Variants in CHD7 observed in about 807,000 individuals in gnomAD.
The protein encoded by CHD7 is chromodomain helicase DNA binding protein 7, also known as ATP-dependent chromatin remodeler CHD7.
CHD7 carries 24 observed loss-of-function variants against 307.3 expected under a neutral mutation model. That is an observed-to-expected ratio of 0.08 (90% CI 0.06 to 0.11). The LOEUF (loss-of-function observed/expected upper bound fraction) is 0.11, where lower values mean the gene tolerates loss of function less well. Ranked by LOEUF, CHD7 falls within the 10% of genes least tolerant of loss-of-function variation. The pLI, the probability that CHD7 is intolerant of heterozygous loss-of-function variation, is 1.00. For synonymous variants in CHD7, 1,363 were observed against 1,349.9 expected, an observed-to-expected ratio of 1.01 and a Z score of -0.21; for missense variants, 3,106 against 3,727.1, an observed-to-expected ratio of 0.83 and a Z score of 4.34.
At chr8:60,761,790 T>C (rs1321965023) in intron 2 of CHD7, among the ~76,000 whole-genome samples, 1 of 152,126 alleles carries the variant, frequency 6.6e-6, no homozygotes, top group Non-Finnish European at 1.5e-5. Flanking sequence ...TTCCTGTTAA[T>C]AAATAGATTA....
intron 3 of CHD7, among the ~76,000 whole-genome samples, chr8:60,792,423 T>C (rs1008488257): frequency 6.6e-5 from 10 of 152,142 alleles, no homozygotes; most frequent in Admixed American, 2.0e-4. Context: ...CCTAGGGTGT[T>C]CTTTGATTTG....
intron 37 of CHD7, chr8:60,864,764 G>T (rs1192278134): frequency 4.0e-6 from 2 of 498,956 alleles, no homozygotes; most frequent in Non-Finnish European, 3.6e-6. Context: ...TCTTGAGTTA[G>T]TTATGGATGC....
intron 1 of CHD7, among the ~76,000 whole-genome samples, chr8:60,703,533 AAAAACCAAATT>A (rs1806872192): frequency 6.6e-6 from 1 of 152,228 alleles, no homozygotes. Context: ...CACCCAACTG[AAAAACCAAATT>A]CGTGATACTT....
intron 2 of CHD7, among the ~76,000 whole-genome samples, chr8:60,753,405 T>A (rs1353963783): frequency 1.3e-5 from 2 of 152,140 alleles, no homozygotes; most frequent in Non-Finnish European, 2.9e-5. Context: ...AGGAAATAAT[T>A]CAGTCTAATT....
chr8:60,834,088 G>A (rs897133530), intron 15 of CHD7, among the ~76,000 whole-genome samples: 1 of 151,938 alleles, frequency 6.6e-6, no homozygotes, highest in Non-Finnish European at 1.5e-5. Flanking sequence ...TATTCTTTTT[G>A]ATAGTATAAA....
At chr8:60,680,652 T>C (rs1227425065) in intron 1 of CHD7, among the ~76,000 whole-genome samples, 1 of 152,138 alleles carries the variant, frequency 6.6e-6, no homozygotes, top group Non-Finnish European at 1.5e-5. Context: ...TCGGACTCTT[T>C]TCCTGGAGGT....
Position 60,838,975 on chromosome 8 carries a change from A to C in CHD7, c.4533+720A>C, listed in dbSNP as rs995805038. Among the ~76,000 whole-genome samples the C allele has an allele frequency of 3.3e-5, 5 of 152,372 alleles. No homozygotes were observed. The East Asian group carries it at 9.6e-4, about 29-fold the overall frequency. ...TTAACCTGTCTTTCGTGTACAATTC[A>C]ATGCCTTTACCATATTACAGACTTG... On this transcript the variant is annotated intron_variant, in intron 19 of 37. Coordinates refer to ENST00000423902, the MANE Select transcript of CHD7 (RefSeq NM_017780.4).
intron 6 of CHD7, among the ~76,000 whole-genome samples, chr8:60,802,730 G>A (rs1256730349): frequency 6.6e-6 from 1 of 152,150 alleles, no homozygotes; most frequent in African/African-American, 2.4e-5. Flanking sequence ...AGGACTCAGT[G>A]AGAGTCCTAT....
At chr8:60,834,350 A>C (rs929970546) in intron 15 of CHD7, among the ~76,000 whole-genome samples, 18 of 152,230 alleles carry the variant, frequency 1.2e-4, no homozygotes, top group African/African-American at 4.3e-4. Flanking sequence ...ATGTCATAAG[A>C]GTAAAACTTA....
At chr8:60,754,459 G>A (rs1388990210) in intron 2 of CHD7, among the ~76,000 whole-genome samples, 1 of 152,160 alleles carries the variant, frequency 6.6e-6, no homozygotes, top group African/African-American at 2.4e-5. Context: ...TTATCAAAAT[G>A]AGCTTTTGGA....
At chr8:60,783,074 G>C (rs1045771615) in intron 3 of CHD7, among the ~76,000 whole-genome samples, 15 of 151,952 alleles carry the variant, frequency 9.9e-5, no homozygotes, top group African/African-American at 3.6e-4. Context: ...ATATATATCT[G>C]ATTCCAGCTT....
chr8:60,821,764 T>C (rs1804052168), intron 9 of CHD7, 26 bp from the exon 10 acceptor site: 2 of 1,547,628 alleles, frequency 1.3e-6, no homozygotes, highest in Non-Finnish European at 1.7e-6. Flanking sequence ...ATGAATCCAA[T>C]TCTGATTTAT....
intron 7 of CHD7, chr8:60,809,688 A>AG (rs1301150315): frequency 2.7e-5 from 4 of 150,132 alleles, no homozygotes; most frequent in African/African-American, 7.4e-5. Flanking sequence ...AAAAAAAAAA[A>AG]AAAAAAGAAA....
At chr8:60,721,342 A>G (rs975095316) in intron 1 of CHD7, among the ~76,000 whole-genome samples, 3 of 152,238 alleles carry the variant, frequency 2.0e-5, no homozygotes, top group Non-Finnish European at 4.4e-5. Flanking sequence ...CCATGTGTGC[A>G]CACAGTGAGA....
chr8:60,865,156 A>G lies in CHD7; in HGVS notation c.8217A>G (p.Ser2739=). The stretch of plus-strand genomic sequence containing the variant: ...CCGCCGCTGCTGTGGCCTCCACGTC[A>G]GGGATCAACCCTTTGCTGGTGAACA... ...AAAAAAVAST[S]GINPLLVNSL... The change falls in exon 38 of 38, where the codon TCA becomes TCG. Residue 2739 remains serine, a synonymous_variant. Transcript: ENST00000423902. This position sits in a 1 kb window ranked among gnomAD's most constrained non-coding sequence, Gnocchi z 4.3. The G allele has an allele frequency of 6.2e-7, 1 of 1,612,138 alleles. No individual in the cohort carries two copies. The highest frequency in any genetic ancestry group is 1.1e-5 in the South Asian group (1 of 90,594).
Position 60,806,566 on chromosome 8 carries a change from C to A in CHD7, c.2443-1651C>A, listed in dbSNP as rs138875796. Among the ~76,000 whole-genome samples the A allele has an allele frequency of 2.2e-3, 333 of 152,198 alleles. 1 individual carries two copies. Among genetic ancestry groups the A allele is most frequent in the Admixed American group, 0.015 (236 of 15,282 alleles). On this transcript the variant is annotated intron_variant, in intron 6 of 37. Coordinates refer to ENST00000423902, the MANE Select transcript of CHD7 (RefSeq NM_017780.4). ...AAAAGTTTATGACATAGAAGGTGTT[C>A]TGATACATTGGTTTAAAATAGTGCT...
chr8:60,694,143 G>A lies in CHD7; in HGVS notation c.-175+15061G>A, dbSNP rs149300829. 9.2e-3 allele frequency among the ~76,000 whole-genome samples: 1,403 copies of A among 152,362 alleles called. 40 individuals carry two copies. The highest frequency in any genetic ancestry group is 0.016 in the East Asian group (81 of 5,188). On this transcript the variant is annotated intron_variant, in intron 1 of 37. Coordinates refer to ENST00000423902, the MANE Select transcript of CHD7 (RefSeq NM_017780.4). ...GATTGACATCTCTAAAGAGCGAATG[G>A]CAATTTCGGTGTGAGGCTTATAACA... is the stretch of plus-strand genomic sequence containing the variant.
chr8:60,712,866 A>G (rs1807352430), intron 1 of CHD7, among the ~76,000 whole-genome samples: 2 of 151,938 alleles, frequency 1.3e-5, no homozygotes, highest in African/African-American at 4.8e-5. Flanking sequence ...CCTGGCTAAT[A>G]TGGTGAAACT....
At position 60,865,825 on chromosome 8, in the gene CHD7, GGA is replaced by G; in HGVS notation, c.8887_8888del (p.Asp2963Ter). ...AAGGCAGCGATGCCGAGGAGAGCCTGGATAAGACTGCAGAGTCCTCCCTCTTA... is the reference window on the plus strand; with the variant it reads ...AAGGCAGCGATGCCGAGGAGAGCCTGTAAGACTGCAGAGTCCTCCCTCTTA... ...LEGSDAEESLDKTAESSLLED... is the reference protein window; with the variant it reads ...LEGSDAEESLXKTAESSLLED... On this transcript the variant is annotated frameshift_variant, in exon 38 of 38. Coordinates refer to ENST00000423902, the MANE Select transcript of CHD7 (RefSeq NM_017780.4). LOFTEE classifies it high-confidence loss of function. The surrounding 1 kb of genome is among the most constrained non-coding windows in gnomAD (Gnocchi z 4.3). 6.2e-7 allele frequency: 1 copy of G among 1,613,834 alleles called. No individual in the cohort carries two copies. Among genetic ancestry groups the G allele is most frequent in the Non-Finnish European group, 8.5e-7 (1 of 1,179,816 alleles).
Sources: gnomAD v4.1 joint callset for allele counts (sites outside exome capture counted in the v4.1 genomes callset) on GRCh38, gnomAD v4.1.1 for gene constraint, Gnocchi (gnomAD v3.1) non-coding constraint, MANE v1.5 for transcripts, NCBI Gene and HGNC (gene_info 2026-07-23, HGNC 2026-07-21) for gene names.